APBA1: variants seen among roughly 807,000 people sequenced by gnomAD.
APBA1 encodes the protein amyloid beta precursor protein binding family A member 1.
APBA1 carries 55 observed loss-of-function variants against 86.6 expected under a neutral mutation model. The ratio of observed to expected loss-of-function variants is 0.64; its 90% CI spans 0.51 to 0.80. The LOEUF (loss-of-function observed/expected upper bound fraction) is 0.80. Among genes scored for constraint, APBA1 ranks in the 30% least tolerant of loss-of-function variants. APBA1 has a pLI of 0.00. For synonymous variants in APBA1, 511 were observed against 493.9 expected, an observed-to-expected ratio of 1.03 and a Z score of -0.46; for missense variants, 1,090 against 1,183.0, an observed-to-expected ratio of 0.92 and a Z score of 1.15.
chr9:69,432,823 C>G, intron 11 of APBA1, 147 bp from the exon 12 acceptor site: 2 of 808,284 alleles, frequency 2.5e-6, no homozygotes, highest in Non-Finnish European at 3.4e-6. Context: ...CTCTTAGTGT[C>G]TTTTCACAAA....
At chr9:69,660,581 A>T (rs1823735365) in intron 1 of APBA1, among the ~76,000 whole-genome samples, 1 of 152,226 alleles carries the variant, frequency 6.6e-6, no homozygotes, top group Non-Finnish European at 1.5e-5. Context: ...AGAGGGGGGA[A>T]ATACTTTAAG....
chr9:69,577,206 A>T (rs1821820863), intron 1 of APBA1, among the ~76,000 whole-genome samples: 1 of 152,214 alleles, frequency 6.6e-6, no homozygotes, highest in African/African-American at 2.4e-5. Flanking sequence ...ATGGTATAGA[A>T]GACTAGAATT....
intron 2 of APBA1, among the ~76,000 whole-genome samples, chr9:69,505,784 G>T (rs1161327964): frequency 6.6e-6 from 1 of 152,074 alleles, no homozygotes; most frequent in African/African-American, 2.4e-5. Flanking sequence ...TTGGGAGGCT[G>T]AAGCAGGTGG....
intron 1 of APBA1, among the ~76,000 whole-genome samples, chr9:69,618,116 T>C (rs1039610997): frequency 6.6e-6 from 1 of 152,198 alleles, no homozygotes; most frequent in Non-Finnish European, 1.5e-5. Context: ...GATGGGATAA[T>C]GGCGCCATGC....
At chr9:69,496,633 T>C (rs904688172) in intron 2 of APBA1, among the ~76,000 whole-genome samples, 16 of 152,126 alleles carry the variant, frequency 1.1e-4, no homozygotes, top group African/African-American at 3.9e-4. Flanking sequence ...GTCCCATAGC[T>C]GCTAGCCACC....
intron 2 of APBA1, among the ~76,000 whole-genome samples, chr9:69,512,354 T>C (rs1836063892): frequency 6.6e-6 from 1 of 152,170 alleles, no homozygotes; most frequent in African/African-American, 2.4e-5. Context: ...AAATGCCAGT[T>C]TGCTCCAAGA....
chr9:69,449,450 C>T (rs1055286224), intron 10 of APBA1, 134 bp downstream of exon 10: 60 of 801,918 alleles, frequency 7.5e-5, no homozygotes, highest in Middle Eastern at 3.9e-4. Context: ...TGCAAGTCCA[C>T]GCCTTTTGTG....
At chr9:69,524,582 C>CAAA (rs34042173) in intron 1 of APBA1, among the ~76,000 whole-genome samples, 1 of 144,220 alleles carries the variant, frequency 6.9e-6, no homozygotes, top group African/African-American at 2.6e-5. Context: ...ATCAGTAATA[C>CAAA]AAAAAAAAAC....
intron 1 of APBA1, among the ~76,000 whole-genome samples, chr9:69,533,209 T>G (rs987648367): frequency 5.3e-5 from 8 of 152,162 alleles, no homozygotes; most frequent in Admixed American, 4.6e-4. Flanking sequence ...TTAAAATCTC[T>G]GAAATGATAA....
At chr9:69,517,386 G>C in intron 1 of APBA1, 107 bp from the exon 2 acceptor site, 1 of 1,151,164 alleles carries the variant, frequency 8.7e-7, no homozygotes, top group Non-Finnish European at 1.1e-6. Context: ...TTTTAGTTCT[G>C]GGTCAATTAA....
intron 1 of APBA1, among the ~76,000 whole-genome samples, chr9:69,606,792 G>A (rs1000280087): frequency 5.9e-5 from 9 of 151,952 alleles, no homozygotes; most frequent in African/African-American, 1.9e-4. Flanking sequence ...GTGCCTGGCC[G>A]GGAGCTGGCT....
rs148710939 is a variant in APBA1, at chr9:69,669,901, T to C, written c.-70+2252A>G. On this transcript the variant is annotated intron_variant, in intron 1 of 12. Transcript: ENST00000265381. ...GGTATTTACCTGGTAATTCCTCATA[T>C]TATTAAACTTTCTTGTGAGACATTT... Among the ~76,000 whole-genome samples the C allele has an allele frequency of 1.3e-4, 20 of 152,374 alleles. No individual in the cohort carries two copies. The East Asian group carries it at 3.9e-3, about 29-fold the overall frequency.
chr9:69,604,903 C>A (rs891378035), intron 1 of APBA1, among the ~76,000 whole-genome samples: 9 of 151,864 alleles, frequency 5.9e-5, no homozygotes, highest in Admixed American at 5.9e-4. Context: ...AGAGGAGAGG[C>A]ACACGGGTAT....
chr9:69,571,089 T>C (rs1008126668), intron 1 of APBA1, among the ~76,000 whole-genome samples: 2 of 152,006 alleles, frequency 1.3e-5, no homozygotes, highest in African/African-American at 2.4e-5. Flanking sequence ...AAGCCTAGGG[T>C]GGGATGTCAA....
chr9:69,523,227 T>C (rs1836280920), intron 1 of APBA1, among the ~76,000 whole-genome samples: 1 of 151,940 alleles, frequency 6.6e-6, no homozygotes, highest in Non-Finnish European at 1.5e-5. Flanking sequence ...TAGTTGCTCT[T>C]TCCTTAAGCA....
chr9:69,481,814 C>A (rs1332738188), intron 2 of APBA1, among the ~76,000 whole-genome samples: 1 of 151,934 alleles, frequency 6.6e-6, no homozygotes. Flanking sequence ...AGAAATAACG[C>A]CGCATGTCTA....
chr9:69,553,393 G>T (rs1203818286), intron 1 of APBA1, among the ~76,000 whole-genome samples: 1 of 152,032 alleles, frequency 6.6e-6, no homozygotes, highest in African/African-American at 2.4e-5. Flanking sequence ...ATAGGTAACT[G>T]CTATTCTCAC....
intron 1 of APBA1, among the ~76,000 whole-genome samples, chr9:69,560,154 T>G (rs368299681): frequency 6.6e-6 from 1 of 152,232 alleles, no homozygotes; most frequent in African/African-American, 2.4e-5. Context: ...ATCAAACAGC[T>G]GCCAAGGCCA....
Position 69,427,827 on chromosome 9 carries a change from G to A in APBA1, c.*3500C>T, listed in dbSNP as rs754938257. 3 of 151,916 alleles carry A rather than the reference G, an allele frequency of 2.0e-5. No individual in the cohort carries two copies. The highest frequency in any genetic ancestry group is 2.9e-5 in the Non-Finnish European group (2 of 67,988). 9.4% of individuals were successfully genotyped at this position (151,916 alleles called of 1,614,324 possible). A position where few individuals can be genotyped will look rare whatever the true frequency, so the allele number is the denominator to read the frequency against. On this transcript the variant is annotated 3_prime_UTR_variant, in exon 13 of 13. Transcript: ENST00000265381. ...TTTTGTGTATACAAAGAACGATATT[G>A]TTACAAATACAATACTATACTTCTC...
Sources: gnomAD v4.1 joint callset for allele counts (sites outside exome capture counted in the v4.1 genomes callset) on GRCh38, gnomAD v4.1.1 for gene constraint, MANE v1.5 for transcripts, NCBI Gene and HGNC (gene_info 2026-07-23, HGNC 2026-07-21) for gene names.